Variants in PPP2R2B observed in about 807,000 individuals in gnomAD.
PPP2R2B encodes the protein serine/threonine-protein phosphatase 2A 55 kDa regulatory subunit B beta isoform.
A neutral mutation model predicts 46.0 loss-of-function variants in PPP2R2B; 5 were observed. The ratio of observed to expected loss-of-function variants is 0.11; its 90% CI spans 0.06 to 0.23. The LOEUF is 0.23. Among genes scored for constraint, PPP2R2B ranks in the 10% least tolerant of loss-of-function variants. The pLI is 1.00. For missense variants in PPP2R2B, 367 were observed against 575.0 expected (o/e 0.64, Z 3.70); for synonymous variants, 215 against 206.7 (o/e 1.04, Z -0.34).
intron 1 of PPP2R2B, among the ~76,000 whole-genome samples, chr5:146,906,391 C>T (rs1319768505): frequency 2.6e-5 from 4 of 152,034 alleles, no homozygotes; most frequent in Non-Finnish European, 4.4e-5. Context: ...GGCGCGATCT[C>T]GGCTCACCGC....
chr5:146,825,055 A>G (rs1227295740), intron 2 of PPP2R2B, among the ~76,000 whole-genome samples: 4 of 152,194 alleles, frequency 2.6e-5, no homozygotes, highest in Non-Finnish European at 5.9e-5. Context: ...TTTCATACTT[A>G]TTGACATTAA....
intron 1 of PPP2R2B, among the ~76,000 whole-genome samples, chr5:146,887,242 C>T (rs1762357503): frequency 6.6e-6 from 1 of 152,000 alleles, no homozygotes; most frequent in South Asian, 2.1e-4. Flanking sequence ...CACTAAAAGA[C>T]CTCTCAAATC....
chr5:146,978,197 T>G (rs1753005986), intron 1 of PPP2R2B, among the ~76,000 whole-genome samples: 1 of 152,208 alleles, frequency 6.6e-6, no homozygotes, highest in South Asian at 2.1e-4. Context: ...TCTGTTCATA[T>G]GCTTTGCCCA....
chr5:146,704,505 T>A (rs1455553977), intron 2 of PPP2R2B, among the ~76,000 whole-genome samples: 3 of 152,228 alleles, frequency 2.0e-5, no homozygotes, highest in African/African-American at 7.2e-5. Context: ...ACTTGAGCAT[T>A]TTTCCTCTGT....
At chr5:147,070,906 G>A (rs1000508233) in intron 2 of PPP2R2B, among the ~76,000 whole-genome samples, 6 of 152,058 alleles carry the variant, frequency 3.9e-5, no homozygotes, top group South Asian at 4.1e-4. Context: ...TTAGAAGTGG[G>A]CATCTGCTGT....
rs150771393 is a variant in PPP2R2B, at chr5:146,583,413, G to A, written c.*6534C>T. On this transcript the variant is annotated 3_prime_UTR_variant, in exon 10 of 10. Transcript: ENST00000394411. ...ACAGCAATTTTATGAGATAGATGTC[G>A]TTTTTATCCTTATCTCATAATGAGA... The A allele has an allele frequency of 3.9e-5, 6 of 152,322 alleles. No individual in the cohort carries two copies. The highest frequency in any genetic ancestry group is 9.6e-5 in the African/African-American group (4 of 41,574). The allele number at this position is 152,322 out of a possible 1,614,324, so 9.4% of individuals were successfully genotyped here.
intron 1 of PPP2R2B, among the ~76,000 whole-genome samples, chr5:146,932,867 G>A (rs1764012770): frequency 1.3e-5 from 2 of 152,158 alleles, no homozygotes; most frequent in South Asian, 4.1e-4. Context: ...AAATGCTGAA[G>A]TAGATCAAGA....
chr5:146,972,740 G>A (rs758693846), intron 1 of PPP2R2B, among the ~76,000 whole-genome samples: 28 of 151,916 alleles, frequency 1.8e-4, no homozygotes, highest in Non-Finnish European at 2.2e-4. Context: ...ACAAAATAGG[G>A]AAATCTTAGT....
At chr5:146,660,980 T>C in intron 5 of PPP2R2B, among the ~76,000 whole-genome samples, 1 of 152,190 alleles carries the variant, frequency 6.6e-6, no homozygotes, top group East Asian at 1.9e-4. Context: ...ATGTATATTG[T>C]TTCATGAGAG....
At position 146,590,119 on chromosome 5, in the gene PPP2R2B, A is replaced by C; in HGVS notation, c.1160T>G (p.Ile387Ser). ...CACACACACTTTTCGGGGTTTGAGG[A>C]TAGCCCGGGGCTTGCTGTTTTCCCT... ...ASRENSKPRA[I>S]LKPRKVCVGG... Residue 387 changes from isoleucine to serine, a missense_variant, in exon 10 of 10, where the codon ATC (isoleucine) becomes AGC (serine). Physicochemically the swap from Ile to Ser is moderately radical, Grantham distance 142 (BLOSUM62 -2). Transcript: ENST00000394411. 2 of 1,614,098 alleles carry C rather than the reference A, an allele frequency of 1.2e-6. No individual in the cohort carries two copies. The highest frequency in any genetic ancestry group is 8.5e-7 in the Non-Finnish European group (1 of 1,180,038).
intron 1 of PPP2R2B, among the ~76,000 whole-genome samples, chr5:146,956,202 C>A (rs1281284427): frequency 6.6e-6 from 1 of 150,476 alleles, no homozygotes; most frequent in Non-Finnish European, 1.5e-5. Context: ...GTGCAAAAAA[C>A]CCCACAATTT....
intron 7 of PPP2R2B, among the ~76,000 whole-genome samples, chr5:146,622,670 C>T (rs1323172624): frequency 2.0e-5 from 3 of 152,204 alleles, no homozygotes; most frequent in Non-Finnish European, 4.4e-5. Context: ...TCTGCTCCCT[C>T]TCCCCCTTCC....
chr5:146,768,796 G>C (rs183290899), intron 2 of PPP2R2B, among the ~76,000 whole-genome samples: 1 of 152,062 alleles, frequency 6.6e-6, no homozygotes, highest in South Asian at 2.1e-4. Context: ...ATTTGCTGTC[G>C]CATCTGCCTA....
intron 1 of PPP2R2B, among the ~76,000 whole-genome samples, chr5:147,019,495 G>C (rs1457491572): frequency 6.6e-6 from 1 of 152,144 alleles, no homozygotes; most frequent in Non-Finnish European, 1.5e-5. Context: ...GAAGATTTTA[G>C]ATTTCACAAT....
At chr5:146,616,137 A>C (rs1480969886) in intron 7 of PPP2R2B, among the ~76,000 whole-genome samples, 1 of 152,192 alleles carries the variant, frequency 6.6e-6, no homozygotes, top group Non-Finnish European at 1.5e-5. Context: ...CTGGGGGAAA[A>C]GACAGTCTCT....
intron 1 of PPP2R2B, among the ~76,000 whole-genome samples, chr5:146,896,507 G>A (rs557966255): frequency 2.6e-5 from 4 of 152,200 alleles, no homozygotes; most frequent in African/African-American, 7.2e-5. Context: ...TTATCAAAAA[G>A]AATCAAAGTG....
chr5:146,872,424 C>T (rs933356520), intron 2 of PPP2R2B, among the ~76,000 whole-genome samples: 2 of 152,154 alleles, frequency 1.3e-5, no homozygotes, highest in African/African-American at 4.8e-5. Flanking sequence ...ATACAAATAC[C>T]AAAGCAACTT....
chr5:146,957,215 G>C (rs1188434754), intron 1 of PPP2R2B, among the ~76,000 whole-genome samples: 1 of 152,168 alleles, frequency 6.6e-6, no homozygotes, highest in African/African-American at 2.4e-5. Flanking sequence ...ACCCAGGTGA[G>C]TCTTATTTAA....
At chr5:146,660,183 T>G (rs1776587212) in intron 5 of PPP2R2B, among the ~76,000 whole-genome samples, 1 of 152,188 alleles carries the variant, frequency 6.6e-6, no homozygotes, top group African/African-American at 2.4e-5. Context: ...TACCCATTAT[T>G]GAAGGGTAAT....
Sources: gnomAD v4.1 joint callset for allele counts (sites outside exome capture counted in the v4.1 genomes callset) on GRCh38, gnomAD v4.1.1 for gene constraint, MANE v1.5 for transcripts, NCBI Gene and HGNC (gene_info 2026-07-23, HGNC 2026-07-21) for gene names.